EPHA7: variants seen among roughly 807,000 people sequenced by gnomAD.
The protein encoded by EPHA7 is EPH receptor A7.
In EPHA7, 25 loss-of-function variants were observed where a neutral mutation model predicts 112.6. The ratio of observed to expected loss-of-function variants is 0.22; its 90% CI spans 0.16 to 0.31. EPHA7 has a LOEUF of 0.31. Among genes scored for constraint, EPHA7 ranks in the 10% least tolerant of loss-of-function variants. The pLI is 1.00. For missense variants in EPHA7, 962 were observed against 1,212.6 expected (o/e 0.79, Z 3.07); for synonymous variants, 437 against 406.5 (o/e 1.07, Z -0.90).
Position 93,257,371 on chromosome 6 carries a change from G to T in EPHA7, c.2172+91C>A, listed in dbSNP as rs1275393718. ...TTCTAACCTCTTACTATTTTACAAG[G>T]CTCTCATTTTACATTGCAAAAAAAG... On this transcript the variant is annotated intron_variant, in intron 12 of 16. Transcript: ENST00000369303. The T allele has an allele frequency of 5.8e-6, 5 of 862,778 alleles. No homozygotes were observed. The Admixed American group carries it at 7.5e-5, about 13-fold the overall frequency. The allele number at this position is 862,778 out of a possible 1,614,324, so 53.4% of individuals were successfully genotyped here. A position where few individuals can be genotyped will look rare whatever the true frequency, so the allele number is the denominator to read the frequency against.
At chr6:93,300,502 G>A (rs1772923271) in intron 5 of EPHA7, among the ~76,000 whole-genome samples, 1 of 152,008 alleles carries the variant, frequency 6.6e-6, no homozygotes, top group Non-Finnish European at 1.5e-5. Flanking sequence ...ATAATTTTAT[G>A]AATTTCTGGA....
rs1368815622 is a variant in EPHA7 at position 93,241,305 on chromosome 6, CTT to C, written c.*2119_*2120del. ...GGAATTAAGAACACTCACTCAAACT[CTT>C]TCACTCATTCTCACAAAGGCCAATG... On this transcript the variant is annotated 3_prime_UTR_variant, in exon 17 of 17. Transcript: ENST00000369303. 1 of 220,436 alleles carries C rather than the reference CTT, an allele frequency of 4.5e-6. No homozygotes were observed. Among genetic ancestry groups the C allele is most frequent in the Non-Finnish European group, 9.1e-6 (1 of 109,592 alleles). 13.7% of individuals were successfully genotyped at this position (220,436 alleles called of 1,614,324 possible).
At chr6:93,332,091 T>G (rs374655405) in intron 5 of EPHA7, among the ~76,000 whole-genome samples, 1 of 151,654 alleles carries the variant, frequency 6.6e-6, no homozygotes, top group African/African-American at 2.4e-5. Flanking sequence ...TGATAAGACT[T>G]TTAGTAATAG....
chr6:93,272,181 T>A, intron 6 of EPHA7, 117 bp downstream of exon 6: 1 of 1,126,364 alleles, frequency 8.9e-7, no homozygotes, highest in Non-Finnish European at 1.3e-6. Flanking sequence ...TAAAATTAAC[T>A]ACGAAGTTTG....
chr6:93,406,698 C>T (rs1332870318), intron 3 of EPHA7, among the ~76,000 whole-genome samples: 1 of 151,818 alleles, frequency 6.6e-6, no homozygotes, highest in Non-Finnish European at 1.5e-5. Flanking sequence ...AAACTGCAAA[C>T]TGTCTATGCA....
At chr6:93,377,837 T>G (rs1353773577) in intron 3 of EPHA7, among the ~76,000 whole-genome samples, 1 of 152,134 alleles carries the variant, frequency 6.6e-6, no homozygotes, top group East Asian at 1.9e-4. Flanking sequence ...GATCCTACAT[T>G]CCTGATTTGT....
intron 1 of EPHA7, 50 bp downstream of exon 1, chr6:93,419,195 G>A: frequency 6.7e-7 from 1 of 1,490,452 alleles, no homozygotes; most frequent in Non-Finnish European, 9.3e-7. Context: ...TGTGCAGGTA[G>A]ACATCTAAAT....
intron 7 of EPHA7, among the ~76,000 whole-genome samples, chr6:93,268,080 T>C (rs1207546813): frequency 6.6e-6 from 1 of 151,696 alleles, no homozygotes; most frequent in Non-Finnish European, 1.5e-5. Flanking sequence ...AATGCTTTAA[T>C]GTTTTGGGGG....
chr6:93,278,132 TTTAA>T (rs1771556453), intron 5 of EPHA7, among the ~76,000 whole-genome samples: 1 of 151,952 alleles, frequency 6.6e-6, no homozygotes, highest in South Asian at 2.1e-4. Context: ...TGTTTGGACA[TTTAA>T]TTAATTATTA....
At chr6:93,311,114 ATTTT>A (rs71542009) in intron 5 of EPHA7, among the ~76,000 whole-genome samples, 4,068 of 78,360 alleles carry the variant, frequency 0.052, 113 homozygotes, top group African/African-American at 0.09. Flanking sequence ...ATGCCCAGCT[ATTTT>A]TTTTTTTTTT....
At position 93,243,454 on chromosome 6, in the gene EPHA7, T is replaced by C. The variant is rs758658280; in HGVS notation, c.2969A>G (p.His990Arg). 6.2e-7 allele frequency: 1 copy of C among 1,613,386 alleles called. No individual in the cohort carries two copies. The highest frequency in any genetic ancestry group is 8.5e-7 in the Non-Finnish European group (1 of 1,179,452). The change falls in exon 17 of 17, where the codon CAT (histidine) becomes CGT (arginine). Residue 990 changes from histidine (H) to arginine (R), a missense_variant. This residue lies in a region of EPHA7 where 746 missense variants were observed against 889.2 expected (regional missense o/e 0.84). Coordinates refer to ENST00000369303, the MANE Select transcript of EPHA7 (RefSeq NM_004440.4). The stretch of plus-strand genomic sequence containing the variant: ...CACTTGAATGCCAGTTCCATGTAAA[T>C]GTAGCATTTGTGCTCTCATAGTCTG... ...SIQTMRAQML[H>R]LHGTGIQV
At chr6:93,283,754 G>A (rs1771903060) in intron 5 of EPHA7, among the ~76,000 whole-genome samples, 1 of 152,122 alleles carries the variant, frequency 6.6e-6, no homozygotes, top group South Asian at 2.1e-4. Context: ...CTCACCACGA[G>A]GGTCCGCGGC....
At chr6:93,394,918 T>A (rs1778092262) in intron 3 of EPHA7, among the ~76,000 whole-genome samples, 1 of 151,852 alleles carries the variant, frequency 6.6e-6, no homozygotes, top group Admixed American at 6.6e-5. Flanking sequence ...TCACTATTTT[T>A]CATTTCTGCT....
At chr6:93,351,929 T>C (rs367703358) in intron 5 of EPHA7, among the ~76,000 whole-genome samples, 1 of 152,228 alleles carries the variant, frequency 6.6e-6, no homozygotes, top group South Asian at 2.1e-4. Flanking sequence ...AGTGTACCAC[T>C]TGAGGAGAAA....
chr6:93,416,612 G>T (rs1345609526), intron 1 of EPHA7, among the ~76,000 whole-genome samples: 4 of 152,308 alleles, frequency 2.6e-5, no homozygotes, highest in Admixed American at 2.6e-4. Flanking sequence ...TCTCTCTTCT[G>T]CTCGGTCCGC....
At chr6:93,360,390 T>C (rs758693123) in intron 3 of EPHA7, among the ~76,000 whole-genome samples, 1 of 152,112 alleles carries the variant, frequency 6.6e-6, no homozygotes, top group African/African-American at 2.4e-5. Context: ...GTCTGAGACA[T>C]TAAGGCCTGG....
intron 5 of EPHA7, among the ~76,000 whole-genome samples, chr6:93,341,240 T>C (rs538538778): frequency 6.6e-6 from 1 of 152,102 alleles, no homozygotes; most frequent in South Asian, 2.1e-4. Context: ...CCAGGGTTTC[T>C]TGAAATATTC....
intron 5 of EPHA7, among the ~76,000 whole-genome samples, chr6:93,332,083 A>G (rs368454636): frequency 1.3e-5 from 2 of 151,634 alleles, no homozygotes; most frequent in South Asian, 4.1e-4. Flanking sequence ...TTGACTTTTG[A>G]TAAGACTTTT....
At chr6:93,331,345 A>G (rs1260828850) in intron 5 of EPHA7, among the ~76,000 whole-genome samples, 1 of 151,320 alleles carries the variant, frequency 6.6e-6, no homozygotes, top group African/African-American at 2.4e-5. Flanking sequence ...TGCTAAACAC[A>G]AAGGTCTTTT....
Sources: gnomAD v4.1 joint callset for allele counts (sites outside exome capture counted in the v4.1 genomes callset) on GRCh38, gnomAD v4.1.1 for gene constraint, gnomAD v4.1.1 regional missense constraint, MANE v1.5 for transcripts, NCBI Gene and HGNC (gene_info 2026-07-23, HGNC 2026-07-21) for gene names.